TRAPPC9: variants seen among roughly 807,000 people sequenced by gnomAD.
The protein encoded by TRAPPC9 is trafficking protein particle complex subunit 9, also known as IKK2 binding protein.
Under a neutral mutation model 124.0 loss-of-function variants are expected in TRAPPC9, and 83 were observed. That is an observed-to-expected ratio of 0.67 (90% CI 0.56 to 0.80). TRAPPC9 has a LOEUF of 0.80. TRAPPC9 is among the 30% of genes least tolerant of loss of function. TRAPPC9 has a pLI of 0.00. For synonymous variants in TRAPPC9, 638 were observed against 617.5 expected, an observed-to-expected ratio of 1.03 and a Z score of -0.49; for missense variants, 1,302 against 1,508.3, an observed-to-expected ratio of 0.86 and a Z score of 2.27.
intron 16 of TRAPPC9, among the ~76,000 whole-genome samples, chr8:140,223,543 C>T (rs1441885175): frequency 6.6e-6 from 1 of 152,140 alleles, no homozygotes; most frequent in Non-Finnish European, 1.5e-5. Context: ...TCAATGGCTG[C>T]ATATCTCAAA....
chr8:140,156,705 G>T (rs562070840), intron 17 of TRAPPC9, among the ~76,000 whole-genome samples: 31 of 152,310 alleles, frequency 2.0e-4, no homozygotes, highest in African/African-American at 7.5e-4. Flanking sequence ...AAGAAAAATC[G>T]TCTGTTTCTA....
intron 20 of TRAPPC9, among the ~76,000 whole-genome samples, chr8:139,901,018 T>TAAATA (rs1554668236): frequency 6.6e-6 from 1 of 151,142 alleles, no homozygotes; most frequent in African/African-American, 2.4e-5. Flanking sequence ...AATAAATAAA[T>TAAATA]AAAAATAAAA....
At chr8:139,791,435 C>T (rs1822668231) in intron 21 of TRAPPC9, among the ~76,000 whole-genome samples, 1 of 149,928 alleles carries the variant, frequency 6.7e-6, no homozygotes, top group Non-Finnish European at 1.5e-5. Context: ...AGGTGTGTCT[C>T]CTGTGCACAG....
chr8:140,348,262 C>G (rs532122712), intron 9 of TRAPPC9, among the ~76,000 whole-genome samples: 107 of 152,288 alleles, frequency 7.0e-4, no homozygotes, highest in African/African-American at 2.5e-3. Context: ...AACTAAGTTT[C>G]AGTGATAGTC....
At chr8:140,106,292 A>G (rs1404288676) in intron 17 of TRAPPC9, among the ~76,000 whole-genome samples, 1 of 152,208 alleles carries the variant, frequency 6.6e-6, no homozygotes, top group African/African-American at 2.4e-5. Flanking sequence ...AGTCGTTCAC[A>G]GAAAAGCCAG....
intron 17 of TRAPPC9, chr8:140,100,028 G>C (rs2060545457): frequency 1.4e-5 from 2 of 143,946 alleles, no homozygotes; most frequent in Admixed American, 1.4e-4. Flanking sequence ...CCGCAGCCTA[G>C]AGCAAGGGAC....
At chr8:139,909,452 T>A (rs1007545782) in intron 20 of TRAPPC9, among the ~76,000 whole-genome samples, 1 of 151,676 alleles carries the variant, frequency 6.6e-6, no homozygotes, top group Non-Finnish European at 1.5e-5. Flanking sequence ...AGAGGACACA[T>A]CCACTTCATA....
chr8:139,976,501 C>T (rs1364748259), intron 19 of TRAPPC9, among the ~76,000 whole-genome samples: 1 of 152,160 alleles, frequency 6.6e-6, no homozygotes. Context: ...TATCTCTAAA[C>T]CAGGCATTTG....
intron 19 of TRAPPC9, among the ~76,000 whole-genome samples, chr8:139,950,924 C>T (rs937769178): frequency 2.0e-5 from 3 of 152,196 alleles, no homozygotes; most frequent in Admixed American, 6.5e-5. Context: ...GAGCCGCACC[C>T]GCCTTACAGC....
intron 21 of TRAPPC9, among the ~76,000 whole-genome samples, chr8:139,833,525 G>A (rs1486514209): frequency 2.0e-5 from 3 of 152,224 alleles, no homozygotes; most frequent in African/African-American, 7.2e-5. Context: ...GACTTCAGAG[G>A]TTGGCAGGGC....
intron 19 of TRAPPC9, among the ~76,000 whole-genome samples, chr8:139,963,109 C>T (rs1331657896): frequency 6.6e-6 from 1 of 152,196 alleles, no homozygotes; most frequent in Non-Finnish European, 1.5e-5. Context: ...TCATTAAAGA[C>T]TACATGATAT....
intron 17 of TRAPPC9, among the ~76,000 whole-genome samples, chr8:140,070,749 C>T (rs1843117724): frequency 6.6e-6 from 1 of 152,204 alleles, no homozygotes; most frequent in African/African-American, 2.4e-5. Context: ...AAGCCACACA[C>T]ACAGACTCTC....
intron 21 of TRAPPC9, among the ~76,000 whole-genome samples, chr8:139,824,809 C>T (rs1825507097): frequency 6.7e-6 from 1 of 150,092 alleles, no homozygotes; most frequent in Non-Finnish European, 1.5e-5. Flanking sequence ...GCAATTCACC[C>T]ACCTCGGCCT....
intron 16 of TRAPPC9, among the ~76,000 whole-genome samples, chr8:140,249,054 C>T (rs148400681): frequency 2.6e-5 from 4 of 152,012 alleles, no homozygotes; most frequent in Admixed American, 6.6e-5. Flanking sequence ...TTAGATTTAG[C>T]GGGTACGTGT....
intron 21 of TRAPPC9, among the ~76,000 whole-genome samples, chr8:139,838,129 C>A (rs907793497): frequency 2.0e-5 from 3 of 152,220 alleles, no homozygotes; most frequent in African/African-American, 7.2e-5. Flanking sequence ...ACAGCCACAG[C>A]CCCAAACCCC....
chr8:140,140,093 G>A (rs926573906), intron 17 of TRAPPC9, among the ~76,000 whole-genome samples: 1 of 152,172 alleles, frequency 6.6e-6, no homozygotes, highest in Non-Finnish European at 1.5e-5. Context: ...TGTGTCCCAC[G>A]AGGGCAAGTG....
rs577869740 is a variant in TRAPPC9 at position 139,957,258 on chromosome 8, T to C, written c.2810+31468A>G. 5.2e-3 allele frequency among the ~76,000 whole-genome samples: 796 copies of C among 152,334 alleles called. 3 individuals carry two copies. Among genetic ancestry groups the C allele is most frequent in the Non-Finnish European group, 5.8e-3 (392 of 68,018 alleles). ...GGTGCCATGAGCAGGGAGGGCCGCG[T>C]ACCTGCCCTGCAGCCTTGGGGGACT... On this transcript the variant is annotated intron_variant, in intron 19 of 22. Transcript: ENST00000438773.
At chr8:140,214,461 T>C (rs544823790) in intron 17 of TRAPPC9, among the ~76,000 whole-genome samples, 2 of 152,352 alleles carry the variant, frequency 1.3e-5, no homozygotes, top group South Asian at 4.1e-4. Context: ...GGACTGTGAC[T>C]GACCTGGACT....
At chr8:139,840,504 G>A (rs897166035) in intron 21 of TRAPPC9, among the ~76,000 whole-genome samples, 12 of 152,232 alleles carry the variant, frequency 7.9e-5, no homozygotes, top group Non-Finnish European at 1.6e-4. Flanking sequence ...AGCGGTGGAC[G>A]TTGATGAGGA....
Sources: allele counts gnomAD v4.1 joint callset (sites outside exome capture counted in the v4.1 genomes callset), GRCh38; gene constraint gnomAD v4.1.1; transcripts MANE v1.5; gene names NCBI Gene and HGNC (gene_info 2026-07-23, HGNC 2026-07-21).